Variants in DIP2C observed in about 807,000 individuals in gnomAD.
DIP2C encodes disco-interacting protein 2 homolog C.
A neutral mutation model predicts 192.4 loss-of-function variants in DIP2C; 33 were observed. That is an observed-to-expected ratio of 0.17 (90% CI 0.13 to 0.23). The LOEUF (loss-of-function observed/expected upper bound fraction) is 0.23. Among genes scored for constraint, DIP2C ranks in the 10% least tolerant of loss-of-function variants. DIP2C has a pLI of 1.00. For missense variants in DIP2C, 1,537 were observed against 2,110.1 expected (o/e 0.73, Z 5.32); for synonymous variants, 979 against 864.1 (o/e 1.13, Z -2.33).
At chr10:671,223 G>T (rs1418496665) in intron 1 of DIP2C, among the ~76,000 whole-genome samples, 1 of 152,264 alleles carries the variant, frequency 6.6e-6, no homozygotes, top group Non-Finnish European at 1.5e-5. Context: ...ATCAGTAAGT[G>T]GTGACTAGAG....
At chr10:313,465 C>T (rs74116621) in intron 31 of DIP2C, among the ~76,000 whole-genome samples, 5,548 of 126,070 alleles carry the variant, frequency 0.044, 230 homozygotes, top group African/African-American at 0.11. Flanking sequence ...CCTTGAATCC[C>T]AAATATTCGA....
intron 4 of DIP2C, among the ~76,000 whole-genome samples, chr10:432,696 C>G (rs1966876857): frequency 6.6e-6 from 1 of 152,036 alleles, no homozygotes; most frequent in Non-Finnish European, 1.5e-5. Context: ...CTCCTGCTTA[C>G]TTAGAATTTA....
At chr10:508,853 A>AG (rs950341538) in intron 1 of DIP2C, among the ~76,000 whole-genome samples, 18 of 152,316 alleles carry the variant, frequency 1.2e-4, no homozygotes, top group Non-Finnish European at 2.2e-4. Flanking sequence ...GACCCAAAAA[A>AG]GGCATCACTC....
intron 9 of DIP2C, among the ~76,000 whole-genome samples, chr10:401,024 C>T (rs375377330): frequency 0.02 from 1,778 of 90,794 alleles, 53 homozygotes; most frequent in African/African-American, 0.064. Context: ...TGATTTTACA[C>T]GTGTGGTAGC....
chr10:639,779 G>C (rs1338466080), intron 1 of DIP2C, among the ~76,000 whole-genome samples: 1 of 152,184 alleles, frequency 6.6e-6, no homozygotes, highest in African/African-American at 2.4e-5. Flanking sequence ...AATATATTTA[G>C]TTCCTTGTCC....
At chr10:548,218 C>CCCCA (rs1282724092) in intron 1 of DIP2C, among the ~76,000 whole-genome samples, 8 of 130,400 alleles carry the variant, frequency 6.1e-5, no homozygotes, top group Non-Finnish European at 1.4e-4. Flanking sequence ...ACCCCCCCCC[C>CCCCA]CACAGGAAAG....
chr10:410,337 G>C (rs1965104664), intron 8 of DIP2C, among the ~76,000 whole-genome samples: 1 of 152,196 alleles, frequency 6.6e-6, no homozygotes, highest in Non-Finnish European at 1.5e-5. Flanking sequence ...GTGCATTCTA[G>C]CATATTCTTG....
chr10:597,018 ATG>A lies in DIP2C; in HGVS notation c.85+92474_85+92475del, dbSNP rs1419586644. On this transcript the variant is annotated intron_variant, in intron 1 of 36. Coordinates refer to ENST00000280886, the MANE Select transcript of DIP2C (RefSeq NM_014974.3). ...TGGTTCTGCATTATTTCTGTGTGAG[ATG>A]TGTGTTTGCCTCTGGACTGAGTGGA... 2.2e-4 allele frequency among the ~76,000 whole-genome samples: 33 copies of A among 152,274 alleles called. 3 individuals are homozygous for A. Among genetic ancestry groups the A allele is most frequent in the Admixed American group, 1.6e-3 (24 of 15,306 alleles).
intron 1 of DIP2C, among the ~76,000 whole-genome samples, chr10:579,202 G>A (rs1046474425): frequency 2.3e-4 from 35 of 152,178 alleles, no homozygotes; most frequent in Middle Eastern, 3.4e-3. Flanking sequence ...TACATGCATA[G>A]AGCATACACA....
chr10:614,087 C>G (rs1019519842), intron 1 of DIP2C, among the ~76,000 whole-genome samples: 2 of 152,218 alleles, frequency 1.3e-5, no homozygotes, highest in African/African-American at 4.8e-5. Flanking sequence ...CACCTCAAAA[C>G]AGGCACACAT....
intron 3 of DIP2C, among the ~76,000 whole-genome samples, chr10:449,580 A>G (rs1055111072): frequency 7.5e-5 from 11 of 145,820 alleles, no homozygotes; most frequent in Non-Finnish European, 1.6e-4. Flanking sequence ...ATTCTTGTGA[A>G]ATATGTGATT....
chr10:383,876 G>T, intron 16 of DIP2C, 151 bp downstream of exon 16: 1 of 1,130,038 alleles, frequency 8.8e-7, no homozygotes, highest in African/African-American at 1.7e-5. Context: ...TCTTTACTAA[G>T]ATAAGGATTA....
intron 1 of DIP2C, among the ~76,000 whole-genome samples, chr10:487,567 GTTTTTTTTTTTTT>G (rs71376836): frequency 3.7e-5 from 2 of 54,164 alleles, no homozygotes; most frequent in South Asian, 1.2e-3. Context: ...ATCAATGAGT[GTTTTTTTTTTTTT>G]TTTTTTTTTT....
chr10:367,145 C>T (rs980604274), intron 18 of DIP2C, among the ~76,000 whole-genome samples: 57 of 152,294 alleles, frequency 3.7e-4, no homozygotes, highest in Middle Eastern at 6.8e-3. Context: ...AGGCCGGACG[C>T]GGTGGCTCAC....
intron 23 of DIP2C, 56 bp from the exon 24 acceptor site, chr10:356,562 G>A: frequency 6.7e-7 from 1 of 1,500,584 alleles, no homozygotes; most frequent in Non-Finnish European, 9.1e-7. Flanking sequence ...AGGCTGTGCG[G>A]GCTGAGGTGG....
At chr10:600,862 C>CAGAA (rs1363454405) in intron 1 of DIP2C, among the ~76,000 whole-genome samples, 383 of 152,320 alleles carry the variant, frequency 2.5e-3, no homozygotes, top group Middle Eastern at 0.01. Flanking sequence ...GCCATCTGGT[C>CAGAA]AAAGCTTTTT....
intron 1 of DIP2C, among the ~76,000 whole-genome samples, chr10:593,393 A>G (rs1438922160): frequency 1.3e-5 from 2 of 151,752 alleles, no homozygotes; most frequent in Admixed American, 6.6e-5. Context: ...TTTATCCTGT[A>G]AATTCCAACT....
rs1188857887 is a variant in DIP2C at position 276,816 on chromosome 10, G to A, written c.*509C>T. ...AAGGTGCTATTTGGAAGGTTTTCTC[G>A]TACCTCAAACTTTCCTAAAAGGATG... On this transcript the variant is annotated 3_prime_UTR_variant, in exon 37 of 37. Transcript: ENST00000280886. 2 of 154,048 alleles carry A rather than the reference G, an allele frequency of 1.3e-5. No homozygotes were observed. Among genetic ancestry groups the A allele is most frequent in the Admixed American group, 6.4e-5 (1 of 15,574 alleles). The allele number at this position is 154,048 out of a possible 1,614,324, so 9.5% of individuals were successfully genotyped here.
At chr10:532,282 C>G (rs1020792072) in intron 1 of DIP2C, among the ~76,000 whole-genome samples, 1 of 152,174 alleles carries the variant, frequency 6.6e-6, no homozygotes, top group Admixed American at 6.5e-5. Flanking sequence ...CCTCCACCCC[C>G]GCAGTCATGC....
Sources: allele counts gnomAD v4.1 joint callset (sites outside exome capture counted in the v4.1 genomes callset), GRCh38; gene constraint gnomAD v4.1.1; transcripts MANE v1.5; gene names NCBI Gene and HGNC (gene_info 2026-07-23, HGNC 2026-07-21).